IFT52: variants seen among roughly 807,000 people sequenced by gnomAD.
IFT52 encodes the protein intraflagellar transport protein 52 homolog.
In IFT52, 44 loss-of-function variants were observed where a neutral mutation model predicts 54.4. That is an observed-to-expected ratio of 0.81 (90% CI 0.63 to 1.04). The LOEUF is 1.04. Among genes scored for constraint, IFT52 ranks in the 50% least tolerant of loss-of-function variants. The pLI is 0.00. For missense variants in IFT52, 452 were observed against 523.6 expected (o/e 0.86, Z 1.33); for synonymous variants, 181 against 185.3 (o/e 0.98, Z 0.19).
chr20:43,633,467 T>C (rs1367501181), intron 10 of IFT52, among the ~76,000 whole-genome samples: 2 of 152,104 alleles, frequency 1.3e-5, no homozygotes, highest in African/African-American at 2.4e-5. Flanking sequence ...CCCAGCACTT[T>C]GGAAGGCTGA....
chr20:43,611,026 T>C lies in IFT52; in HGVS notation c.486-2824T>C, dbSNP rs181763177. On this transcript the variant is annotated intron_variant, in intron 6 of 13. Transcript: ENST00000373030. Reference sequence around the variant, plus strand: ...TAAAGTTGAAAGCCTAGTGCCCTACTTGTTGTTGCGTTATGACTTTGTAAT... The same window carrying C: ...TAAAGTTGAAAGCCTAGTGCCCTACCTGTTGTTGCGTTATGACTTTGTAAT... Among the ~76,000 whole-genome samples the C allele has an allele frequency of 6.1e-4, 88 of 144,264 alleles. 1 individual carries two copies. The highest frequency in any genetic ancestry group is 2.0e-3 in the African/African-American group (82 of 41,116). The allele number at this position is 144,264 out of a possible 152,430, so 94.6% of individuals were successfully genotyped here.
chr20:43,599,057 G>C (rs1426640278), intron 3 of IFT52, among the ~76,000 whole-genome samples: 2 of 152,188 alleles, frequency 1.3e-5, no homozygotes, highest in Non-Finnish European at 1.5e-5. Flanking sequence ...AGAGGGACAT[G>C]ATTGTTTGAT....
intron 1 of IFT52, among the ~76,000 whole-genome samples, chr20:43,594,153 C>G (rs1242079594): frequency 6.6e-6 from 1 of 151,808 alleles, no homozygotes. Context: ...ACTGAAAATA[C>G]AAAAATTAGC....
intron 1 of IFT52, among the ~76,000 whole-genome samples, chr20:43,593,320 G>A (rs1048329201): frequency 1.3e-5 from 2 of 152,106 alleles, no homozygotes; most frequent in African/African-American, 2.4e-5. Context: ...AGGATTGTGT[G>A]GAAACAGAAG....
chr20:43,628,457 G>A (rs536737710), intron 10 of IFT52, among the ~76,000 whole-genome samples: 2 of 152,320 alleles, frequency 1.3e-5, no homozygotes, highest in East Asian at 3.9e-4. Flanking sequence ...GGAAACATGG[G>A]TGCAGACTCT....
At chr20:43,611,088 T>A (rs1447714462) in intron 6 of IFT52, among the ~76,000 whole-genome samples, 1 of 152,202 alleles carries the variant, frequency 6.6e-6, no homozygotes, top group Non-Finnish European at 1.5e-5. Context: ...GTTGTTCCTT[T>A]CCTGGATTAT....
At chr20:43,617,048 T>C (rs566608691) in intron 7 of IFT52, among the ~76,000 whole-genome samples, 101 of 152,182 alleles carry the variant, frequency 6.6e-4, no homozygotes, top group African/African-American at 2.4e-3. Context: ...TACTTTTTTT[T>C]TAACCGAATG....
chr20:43,622,653 A>T (rs1984393790), intron 9 of IFT52, among the ~76,000 whole-genome samples: 1 of 147,642 alleles, frequency 6.8e-6, no homozygotes, highest in Non-Finnish European at 1.5e-5. Context: ...ATATTTATAT[A>T]TATTTTATAT....
intron 6 of IFT52, among the ~76,000 whole-genome samples, chr20:43,612,017 C>T (rs1381249661): frequency 1.3e-5 from 2 of 151,546 alleles, no homozygotes; most frequent in African/African-American, 2.4e-5. Flanking sequence ...GTGATAAGAG[C>T]AAAACTCCAT....
intron 12 of IFT52, among the ~76,000 whole-genome samples, chr20:43,641,030 CAAAAAAAA>C (rs10523117): frequency 8.9e-5 from 8 of 90,368 alleles, no homozygotes; most frequent in Admixed American, 2.5e-4. Flanking sequence ...AACCTTGTCT[CAAAAAAAA>C]AAAAAAAAAA....
chr20:43,616,796 G>A (rs57724668), intron 7 of IFT52, among the ~76,000 whole-genome samples: 4,509 of 152,182 alleles, frequency 0.03, 238 homozygotes, highest in African/African-American at 0.094. Context: ...TAAGGAGGTA[G>A]GATCACTTGA....
chr20:43,597,091 G>A (rs557018534), intron 3 of IFT52, among the ~76,000 whole-genome samples: 6 of 150,752 alleles, frequency 4.0e-5, no homozygotes, highest in Non-Finnish European at 7.4e-5. Context: ...GGAAAATTCC[G>A]CCAGGCGCGG....
intron 2 of IFT52, among the ~76,000 whole-genome samples, chr20:43,595,996 T>C (rs1981926639): frequency 6.6e-6 from 1 of 152,268 alleles, no homozygotes; most frequent in Non-Finnish European, 1.5e-5. Context: ...TTATTCTAAT[T>C]ATACACATGT....
At chr20:43,609,951 AAAAATAAAAT>A (rs1220418766) in intron 6 of IFT52, among the ~76,000 whole-genome samples, 3 of 150,794 alleles carry the variant, frequency 2.0e-5, no homozygotes, top group African/African-American at 7.4e-5. Flanking sequence ...TCCGTCTTGA[AAAAATAAAAT>A]AAAATTAAAT....
At chr20:43,596,585 C>A (rs1445128045) in intron 3 of IFT52, 63 bp downstream of exon 3, 2 of 1,127,320 alleles carry the variant, frequency 1.8e-6, no homozygotes, top group Non-Finnish European at 2.7e-6. Context: ...CTTTGAAATA[C>A]CGGATTTGAA....
intron 10 of IFT52, among the ~76,000 whole-genome samples, chr20:43,633,263 A>G (rs1244924880): frequency 2.0e-5 from 3 of 152,016 alleles, no homozygotes; most frequent in Non-Finnish European, 4.4e-5. Context: ...GAATTGCTTG[A>G]ACCCGGAAGG....
At chr20:43,639,895 C>A (rs1985798623) in intron 12 of IFT52, among the ~76,000 whole-genome samples, 1 of 151,786 alleles carries the variant, frequency 6.6e-6, no homozygotes, top group South Asian at 2.1e-4. Context: ...AAAAATGTAG[C>A]CTGGGTGCGA....
At chr20:43,646,707 G>C (rs1272482174) in intron 13 of IFT52, among the ~76,000 whole-genome samples, 1 of 152,102 alleles carries the variant, frequency 6.6e-6, no homozygotes, top group African/African-American at 2.4e-5. Flanking sequence ...TTTCAACTCT[G>C]TTTGTTACTC....
At chr20:43,618,657 T>TTA (rs397796919) in intron 7 of IFT52, among the ~76,000 whole-genome samples, 2 of 151,488 alleles carry the variant, frequency 1.3e-5, no homozygotes, top group Non-Finnish European at 2.9e-5. Context: ...GATTTTTTTT[T>TTA]ATTTTTAGTA....
Sources: gnomAD v4.1 joint callset for allele counts (sites outside exome capture counted in the v4.1 genomes callset) on GRCh38, gnomAD v4.1.1 for gene constraint, MANE v1.5 for transcripts, NCBI Gene and HGNC (gene_info 2026-07-23, HGNC 2026-07-21) for gene names.